The following AFF3 variants were observed in gnomAD, a reference collection of about 807,000 sequenced individuals.
AFF3 encodes ALF transcription elongation factor 3.
A neutral mutation model predicts 129.7 loss-of-function variants in AFF3; 32 were observed. That is an observed-to-expected ratio of 0.25 (90% CI 0.19 to 0.33). The LOEUF (loss-of-function observed/expected upper bound fraction) is 0.33. Among genes scored for constraint, AFF3 ranks in the 10% least tolerant of loss-of-function variants. AFF3 has a pLI of 1.00. For missense variants in AFF3, 1,373 were observed against 1,592.0 expected (o/e 0.86, Z 2.34); for synonymous variants, 644 against 635.4 (o/e 1.01, Z -0.20).
Position 100,008,915 on chromosome 2 carries a change from C to G in AFF3, c.71G>C (p.Arg24Thr), listed in dbSNP as rs1334769674. 2 of 1,613,852 alleles carry G rather than the reference C, an allele frequency of 1.2e-6. No individual in the cohort carries two copies. The highest frequency in any genetic ancestry group is 1.7e-6 in the Non-Finnish European group (2 of 1,179,932). The change falls in exon 5 of 25, where the codon AGA becomes ACA. Residue 24 changes from arginine to threonine, a missense_variant. Arg to Thr is a moderately conservative substitution (Grantham distance 71). This residue lies in a region of AFF3 where 255 missense variants were observed against 256.0 expected (regional missense o/e 1.00). Transcript: ENST00000672756. ...TCGTTCTTTCCTCCGTAATGCATTT[C>G]TATCTGGTTCATAGACACTGCATCA... The part of the protein sequence containing the change: ...LESLCVYEPD[R>T]NALRRKERER...
At chr2:100,037,460 A>C (rs1170517954) in intron 4 of AFF3, among the ~76,000 whole-genome samples, 1 of 116,466 alleles carries the variant, frequency 8.6e-6, no homozygotes, top group Non-Finnish European at 1.7e-5. Context: ...TTATTTATAT[A>C]TAAATATATA....
intron 7 of AFF3, among the ~76,000 whole-genome samples, chr2:99,926,654 G>A (rs1301473643): frequency 6.6e-6 from 1 of 151,874 alleles, no homozygotes; most frequent in Non-Finnish European, 1.5e-5. Flanking sequence ...TGTGGAACAA[G>A]CAAAGTGCTT....
chr2:99,715,138 T>G (rs1173559159), intron 11 of AFF3, among the ~76,000 whole-genome samples: 4 of 152,220 alleles, frequency 2.6e-5, no homozygotes, highest in Non-Finnish European at 5.9e-5. Context: ...TTGGAGAAGG[T>G]CCTGTCCTTG....
At chr2:99,622,380 C>G (rs1382942071) in intron 13 of AFF3, among the ~76,000 whole-genome samples, 4 of 152,124 alleles carry the variant, frequency 2.6e-5, no homozygotes, top group Non-Finnish European at 5.9e-5. Flanking sequence ...AATGTCAAAG[C>G]CAGGCCTTTG....
At chr2:99,956,837 C>T (rs1214770415) in intron 7 of AFF3, among the ~76,000 whole-genome samples, 1 of 152,156 alleles carries the variant, frequency 6.6e-6, no homozygotes, top group Non-Finnish European at 1.5e-5. Context: ...GTCATTGATA[C>T]TATATGGAAA....
chr2:99,925,363 T>C, intron 7 of AFF3, among the ~76,000 whole-genome samples: 1 of 152,350 alleles, frequency 6.6e-6, no homozygotes, highest in Middle Eastern at 3.4e-3. Flanking sequence ...ACAAAATAAG[T>C]ATATAAATAT....
chr2:99,604,295 T>A (rs7603746), intron 13 of AFF3, among the ~76,000 whole-genome samples: 18 of 149,464 alleles, frequency 1.2e-4, no homozygotes, highest in African/African-American at 3.2e-4. Flanking sequence ...TGCAACCATT[T>A]AAAAAAAAAA....
chr2:99,920,234 C>A (rs1255410893), intron 7 of AFF3, among the ~76,000 whole-genome samples: 3 of 151,918 alleles, frequency 2.0e-5, no homozygotes, highest in Non-Finnish European at 4.4e-5. Flanking sequence ...AATCCTAGTA[C>A]CAAAACCAAA....
chr2:99,836,376 A>T (rs1688876147), intron 8 of AFF3, among the ~76,000 whole-genome samples: 1 of 152,240 alleles, frequency 6.6e-6, no homozygotes, highest in Admixed American at 6.5e-5. Context: ...GAGACAATAT[A>T]GATATAAAAT....
At chr2:99,928,667 T>A (rs1045522390) in intron 7 of AFF3, among the ~76,000 whole-genome samples, 1 of 152,180 alleles carries the variant, frequency 6.6e-6, no homozygotes, top group African/African-American at 2.4e-5. Context: ...CCAGTTGTGC[T>A]CATTTGTCAA....
At chr2:99,720,982 C>T (rs1678839301) in intron 11 of AFF3, among the ~76,000 whole-genome samples, 1 of 152,106 alleles carries the variant, frequency 6.6e-6, no homozygotes, top group South Asian at 2.1e-4. Flanking sequence ...CATCTGCATA[C>T]ATCACAAATC....
chr2:100,043,987 G>A (rs1685632411), intron 4 of AFF3, among the ~76,000 whole-genome samples: 11 of 152,222 alleles, frequency 7.2e-5, no homozygotes, highest in Admixed American at 7.2e-4. Flanking sequence ...GAGAGCATGT[G>A]TGTTCTGGGC....
At chr2:99,776,105 G>A (rs533013779) in intron 8 of AFF3, among the ~76,000 whole-genome samples, 1 of 152,296 alleles carries the variant, frequency 6.6e-6, no homozygotes, top group South Asian at 2.1e-4. Flanking sequence ...AAAGTGTGGG[G>A]AACTTTTAAA....
intron 4 of AFF3, among the ~76,000 whole-genome samples, chr2:100,046,802 C>A (rs1685871663): frequency 6.6e-6 from 1 of 152,112 alleles, no homozygotes. Flanking sequence ...CTCAGCCAGG[C>A]ATCTTGAGCA....
intron 7 of AFF3, among the ~76,000 whole-genome samples, chr2:99,961,541 G>A (rs942749401): frequency 4.6e-5 from 7 of 152,076 alleles, no homozygotes; most frequent in South Asian, 2.1e-4. Context: ...GAGATTATCT[G>A]TCTCTGAGTT....
At chr2:99,814,840 C>T (rs1198813795) in intron 8 of AFF3, among the ~76,000 whole-genome samples, 2 of 144,156 alleles carry the variant, frequency 1.4e-5, no homozygotes, top group Non-Finnish European at 3.0e-5. Flanking sequence ...TATGATTTGG[C>T]ATTTTAATTA....
intron 8 of AFF3, among the ~76,000 whole-genome samples, chr2:99,791,841 T>A (rs1056309780): frequency 2.0e-5 from 3 of 151,592 alleles, no homozygotes; most frequent in Admixed American, 1.3e-4. Context: ...TTTTTTTTTT[T>A]AATTTTGCTG....
chr2:99,874,133 C>T (rs187421371), intron 7 of AFF3, among the ~76,000 whole-genome samples: 5 of 152,126 alleles, frequency 3.3e-5, no homozygotes, highest in East Asian at 1.9e-4. Flanking sequence ...GTCGAGATCG[C>T]GCCACTGCAC....
At position 100,036,079 on chromosome 2, in the gene AFF3, G is replaced by T. The variant is rs1573203986; in HGVS notation, c.54-27147C>A. ...GTTCAACTCACTGAGAGAGAAAATT[G>T]ATATGGTTCTAATCAAAACCAAAAA... On this transcript the variant is annotated intron_variant, in intron 4 of 24. Transcript: ENST00000672756. 1.6e-5 allele frequency among the ~76,000 whole-genome samples: 2 copies of T among 123,938 alleles called. 1 individual carries two copies. Among genetic ancestry groups the T allele is most frequent in the South Asian group, 5.8e-4 (2 of 3,478 alleles). 81.3% of individuals were successfully genotyped at this position (123,938 alleles called of 152,430 possible).
Sources: allele counts gnomAD v4.1 joint callset (sites outside exome capture counted in the v4.1 genomes callset), GRCh38; gene constraint gnomAD v4.1.1; regional missense constraint gnomAD v4.1.1; transcripts MANE v1.5; gene names NCBI Gene and HGNC (gene_info 2026-07-23, HGNC 2026-07-21).